FAM177A1: variants seen among roughly 807,000 people sequenced by gnomAD.
The protein encoded by FAM177A1 is protein FAM177A1.
FAM177A1 carries 22 observed loss-of-function variants against 26.1 expected under a neutral mutation model. That is an observed-to-expected ratio of 0.84 (90% CI 0.60 to 1.20). The LOEUF is 1.20. FAM177A1 is among the 50% of genes most tolerant of loss of function. The pLI, the probability that FAM177A1 is intolerant of heterozygous loss-of-function variation, is 0.00. For missense variants in FAM177A1, 296 were observed against 291.1 expected (o/e 1.02, Z -0.12); for synonymous variants, 95 against 99.3 (o/e 0.96, Z 0.26).
intron 2 of FAM177A1, among the ~76,000 whole-genome samples, chr14:35,057,717 TC>T (rs1355892479): frequency 1.3e-5 from 2 of 152,112 alleles, no homozygotes; most frequent in African/African-American, 2.4e-5. Flanking sequence ...TTCTTTTTTT[TC>T]CTTTTGGTTT....
chr14:35,074,624 C>A (rs1281537201), intron 2 of FAM177A1, among the ~76,000 whole-genome samples: 1 of 152,036 alleles, frequency 6.6e-6, no homozygotes, highest in Non-Finnish European at 1.5e-5. Flanking sequence ...CTGCGCCCCG[C>A]CCCATCCACT....
chr14:35,046,622 A>G lies in FAM177A1; in HGVS notation c.159A>G (p.Ala53=). The change falls in exon 1 of 5, where the codon GCA becomes GCG. Residue 53 remains alanine, a synonymous_variant. Transcript: ENST00000280987. Reference sequence around the variant, plus strand: ...CCGCCGCGGCATTCGGGGAATCTGCAGGGCAGGTAGGTGGGGCCGCCGAGG... The same window carrying G: ...CCGCCGCGGCATTCGGGGAATCTGCGGGGCAGGTAGGTGGGGCCGCCGAGG... ...AAAAAAFGES[A]GQMSNERGFE... 1.3e-6 allele frequency: 2 copies of G among 1,537,830 alleles called. No individual in the cohort carries two copies. Among genetic ancestry groups the G allele is most frequent in the Non-Finnish European group, 1.8e-6 (2 of 1,140,444 alleles).
intron 2 of FAM177A1, 62 bp from the exon 3 acceptor site, chr14:35,077,088 C>A: frequency 1.5e-6 from 2 of 1,347,720 alleles, no homozygotes; most frequent in South Asian, 1.2e-5. Flanking sequence ...CTACTTCATT[C>A]TGGCCTAAAT....
At chr14:35,067,232 C>CT (rs142076827) in intron 2 of FAM177A1, among the ~76,000 whole-genome samples, 1,791 of 152,288 alleles carry the variant, frequency 0.012, 38 homozygotes, top group African/African-American at 0.041. Context: ...ATTGTGCTCT[C>CT]TGTTTCTATG....
intron 1 of FAM177A1, among the ~76,000 whole-genome samples, chr14:35,051,462 G>C (rs1341916498): frequency 6.6e-6 from 1 of 152,126 alleles, no homozygotes; most frequent in Non-Finnish European, 1.5e-5. Context: ...GCCCAGGCTT[G>C]AGTGCAGTGG....
At chr14:35,057,425 C>T (rs1320135356) in intron 2 of FAM177A1, among the ~76,000 whole-genome samples, 2 of 152,034 alleles carry the variant, frequency 1.3e-5, no homozygotes, top group Non-Finnish European at 2.9e-5. Context: ...CTCTGTCACC[C>T]AGGCTGGAGA....
At chr14:35,077,644 G>A (rs1035452585) in intron 3 of FAM177A1, among the ~76,000 whole-genome samples, 2 of 151,578 alleles carry the variant, frequency 1.3e-5, no homozygotes, top group African/African-American at 4.8e-5. Context: ...CACCGCGCCC[G>A]GCTAATTTTT....
At chr14:35,079,133 T>C (rs1199058957) in intron 4 of FAM177A1, 109 bp downstream of exon 4, 4 of 695,390 alleles carry the variant, frequency 5.8e-6, no homozygotes, top group Non-Finnish European at 9.5e-6. Flanking sequence ...AGCTCTCTTA[T>C]GCTAGGCATT....
chr14:35,078,696 A>G (rs1222206817), intron 3 of FAM177A1, among the ~76,000 whole-genome samples: 2 of 152,218 alleles, frequency 1.3e-5, no homozygotes, highest in Non-Finnish European at 2.9e-5. Context: ...AGATACACCT[A>G]GTGATAAGTA....
chr14:35,065,696 A>ATTT (rs35125485), intron 2 of FAM177A1, among the ~76,000 whole-genome samples: 21,187 of 139,020 alleles, frequency 0.15, 1,903 homozygotes, highest in African/African-American at 0.21. Context: ...ATAAGAAGCA[A>ATTT]TTTTTTTTTT....
At chr14:35,054,258 T>C (rs1208814245) in intron 2 of FAM177A1, among the ~76,000 whole-genome samples, 1 of 152,206 alleles carries the variant, frequency 6.6e-6, no homozygotes, top group Non-Finnish European at 1.5e-5. Flanking sequence ...CAAGTTTTGA[T>C]TGGAAGATAA....
At chr14:35,061,462 ATTT>A (rs35073054) in intron 2 of FAM177A1, among the ~76,000 whole-genome samples, 3 of 111,456 alleles carry the variant, frequency 2.7e-5, no homozygotes, top group Admixed American at 8.9e-5. Flanking sequence ...AGCTTTAAGT[ATTT>A]TTTTTTTTTT....
intron 2 of FAM177A1, among the ~76,000 whole-genome samples, chr14:35,071,851 T>C (rs970104725): frequency 6.6e-6 from 1 of 152,200 alleles, no homozygotes; most frequent in Non-Finnish European, 1.5e-5. Context: ...TAACTTTTTA[T>C]TCCCCCCAAA....
In FAM177A1 at chr14:35,053,442, T is replaced by C. The variant is rs1323076765; in HGVS notation, c.330T>C (p.Thr110=). The change falls in exon 2 of 5, where the codon ACT becomes ACC. Residue 110 remains threonine, a synonymous_variant. Transcript: ENST00000280987. ...DGLEKKDVLP[T]VDPTKLTWGP... ...TGGAGAAGAAAGATGTTTTGCCTAC[T>C]GTTGATCCGGTAGGTTTGATATTGA... is the stretch of plus-strand genomic sequence containing the variant. The C allele has an allele frequency of 6.2e-7, 1 of 1,613,978 alleles. No individual in the cohort carries two copies. Among genetic ancestry groups the C allele is most frequent in the Admixed American group, 1.7e-5 (1 of 59,970 alleles).
intron 2 of FAM177A1, among the ~76,000 whole-genome samples, chr14:35,066,370 A>G (rs907950417): frequency 2.8e-5 from 4 of 143,044 alleles, no homozygotes; most frequent in Non-Finnish European, 4.6e-5. Flanking sequence ...CCTCAAATCC[A>G]TTTTTCTTGT....
chr14:35,078,673 A>G (rs532604079), intron 3 of FAM177A1, among the ~76,000 whole-genome samples: 4 of 152,326 alleles, frequency 2.6e-5, no homozygotes, highest in African/African-American at 9.6e-5. Flanking sequence ...TCTTAAAGAC[A>G]TAGATATATA....
Position 35,054,762 on chromosome 14 carries a change from G to C in FAM177A1, c.339+1311G>C, listed in dbSNP as rs932889672. ...GGTCGAGGCAGGCAGATCACCTGAG[G>C]TCGGGAGTTCAAGACCAGCCTGACC... On this transcript the variant is annotated intron_variant, in intron 2 of 4. Coordinates refer to ENST00000280987, the MANE Select transcript of FAM177A1 (RefSeq NM_173607.5). 2.0e-5 allele frequency: 3 copies of C among 152,186 alleles called. No individual in the cohort carries two copies. In the South Asian group the frequency reaches 6.2e-4, roughly 32 times the overall value. 9.4% of individuals were successfully genotyped at this position (152,186 alleles called of 1,614,324 possible). A position where few individuals can be genotyped will look rare whatever the true frequency, so the allele number is the denominator to read the frequency against.
intron 4 of FAM177A1, among the ~76,000 whole-genome samples, chr14:35,079,384 T>A (rs181989339): frequency 3.3e-5 from 5 of 151,996 alleles, no homozygotes; most frequent in Non-Finnish European, 5.9e-5. Context: ...AAAAGTGGAG[T>A]GGGTTTGGCA....
intron 4 of FAM177A1, among the ~76,000 whole-genome samples, chr14:35,080,513 CT>C (rs1210620280): frequency 1.3e-5 from 2 of 152,122 alleles, no homozygotes; most frequent in Non-Finnish European, 2.9e-5. Context: ...AAAGTAACCT[CT>C]TTTGGGCTGA....
Sources: gnomAD v4.1 joint callset for allele counts (sites outside exome capture counted in the v4.1 genomes callset) on GRCh38, gnomAD v4.1.1 for gene constraint, MANE v1.5 for transcripts, NCBI Gene and HGNC (gene_info 2026-07-23, HGNC 2026-07-21) for gene names.